Variants in EFTUD2 observed in about 807,000 individuals in gnomAD.
EFTUD2 encodes the protein elongation factor Tu GTP binding domain containing 2.
In EFTUD2, 9 loss-of-function variants were observed where a neutral mutation model predicts 114.3. That is an observed-to-expected ratio of 0.08 (90% confidence interval 0.05 to 0.14). The LOEUF (loss-of-function observed/expected upper bound fraction) is 0.14. Ranked by LOEUF, EFTUD2 falls within the 10% of genes least tolerant of loss-of-function variation. EFTUD2 has a pLI of 1.00. For synonymous variants in EFTUD2, 449 were observed against 462.3 expected (o/e 0.97, Z 0.37); for missense variants, 765 against 1,241.2 (o/e 0.62, Z 5.76).
chr17:44,897,343 CTTTT>C (rs1031100175), intron 1 of EFTUD2, among the ~76,000 whole-genome samples: 13 of 151,712 alleles, frequency 8.6e-5, no homozygotes, highest in African/African-American at 2.9e-4. Flanking sequence ...CTCTTCACTT[CTTTT>C]ATGATACTAA....
At chr17:44,885,469 T>C in intron 3 of EFTUD2, 135 bp from the exon 4 acceptor site, 1 of 685,740 alleles carries the variant, frequency 1.5e-6, no homozygotes, top group Non-Finnish European at 2.5e-6. Flanking sequence ...GGATCACTCA[T>C]ATGTTGAGAA....
chr17:44,853,747 A>G (rs775876754), intron 23 of EFTUD2, 112 bp from the exon 24 acceptor site: 34 of 1,540,126 alleles, frequency 2.2e-5, no homozygotes, highest in Non-Finnish European at 2.7e-5. Flanking sequence ...CATGAAAGAC[A>G]TGGTACAGAA....
intron 19 of EFTUD2, chr17:44,857,527 A>G (rs915512282): frequency 1.1e-5 from 3 of 261,242 alleles, no homozygotes; most frequent in African/African-American, 6.6e-5. Context: ...GCGTGCACCC[A>G]TGTCATTCTC....
chr17:44,883,378 T>G (rs1013747051), intron 5 of EFTUD2, among the ~76,000 whole-genome samples: 1 of 152,124 alleles, frequency 6.6e-6, no homozygotes, highest in Non-Finnish European at 1.5e-5. Context: ...AAATGAAAAC[T>G]TATAAAAATC....
Position 44,883,677 on chromosome 17 carries a change from G to A in EFTUD2, c.398C>T (p.Thr133Ile). The A allele has an allele frequency of 6.2e-7, 1 of 1,614,158 alleles. No homozygotes were observed. Among genetic ancestry groups the A allele is most frequent in the Non-Finnish European group, 8.5e-7 (1 of 1,180,022 alleles). ...MDNSELIRNV[T>I]LCGHLHHGKT... is the part of the protein sequence containing the mutation. ...GCCATGGTGGAGATGTCCACAAAGG[G>A]TCACATTTCTGATGAGCTCTGAGTT... The change falls in exon 5 of 28, where the codon ACC becomes ATC. Residue 133 changes from threonine (T) to isoleucine (I), a missense_variant. Thr to Ile is a moderately conservative substitution (Grantham distance 89, BLOSUM62 -1). This residue lies in a region of EFTUD2 where 19 missense variants were observed against 53.0 expected (regional missense o/e 0.36). Transcript: ENST00000426333.
intron 23 of EFTUD2, 57 bp from the exon 24 acceptor site, chr17:44,853,692 A>T (rs1226741889): frequency 1.3e-6 from 2 of 1,598,808 alleles, no homozygotes; most frequent in African/African-American, 2.7e-5. Flanking sequence ...TCATGGGGCC[A>T]TGGCAGAGTA....
intron 2 of EFTUD2, among the ~76,000 whole-genome samples, chr17:44,890,543 C>G (rs1392715928): frequency 6.6e-6 from 1 of 151,620 alleles, no homozygotes; most frequent in Non-Finnish European, 1.5e-5. Flanking sequence ...AAATACAAAA[C>G]TAGCCGGGCG....
At chr17:44,882,437 G>A (rs112357792) in intron 6 of EFTUD2, among the ~76,000 whole-genome samples, 19,086 of 151,856 alleles carry the variant, frequency 0.13, 1,370 homozygotes, top group Non-Finnish European at 0.17. Flanking sequence ...TGCATTTTTA[G>A]TAGAGATAGA....
At chr17:44,856,971 G>A in intron 20 of EFTUD2, 104 bp downstream of exon 20, 1 of 926,212 alleles carries the variant, frequency 1.1e-6, no homozygotes, top group Non-Finnish European at 1.7e-6. Context: ...GAGCTGTAGA[G>A]GTCTCTATGT....
intron 3 of EFTUD2, 69 bp downstream of exon 3, chr17:44,886,516 G>T: frequency 6.4e-7 from 1 of 1,573,404 alleles, no homozygotes; most frequent in East Asian, 2.3e-5. Flanking sequence ...AACTTTTAAG[G>T]TTTGCTGAGA....
Position 44,883,083 on chromosome 17 carries a change from T to A in EFTUD2, c.492+10A>T. On this transcript the variant is annotated intron_variant, in intron 6 of 27. Coordinates refer to ENST00000426333, the MANE Select transcript of EFTUD2 (RefSeq NM_004247.4). ...GTTCATCCTAAACCCTCAACAGAAGTTCTACTTACATCTTGGTCATAGCGC... is the reference window on the plus strand; with the variant it reads ...GTTCATCCTAAACCCTCAACAGAAGATCTACTTACATCTTGGTCATAGCGC... 1 of 1,614,000 alleles carries A rather than the reference T, an allele frequency of 6.2e-7. No individual in the cohort carries two copies. Among genetic ancestry groups the A allele is most frequent in the African/African-American group, 1.3e-5 (1 of 75,030 alleles).
intron 7 of EFTUD2, among the ~76,000 whole-genome samples, chr17:44,881,006 T>A (rs12602642): frequency 0.31 from 47,225 of 151,932 alleles, 7,414 homozygotes; most frequent in South Asian, 0.4. Flanking sequence ...AGTTTTTTTT[T>A]AAAAAAGAAA....
At position 44,852,574 on chromosome 17, in the gene EFTUD2, A is replaced by G; in HGVS notation, c.2562-12T>C. On this transcript the variant is annotated splice_polypyrimidine_tract_variant and intron_variant, in intron 25 of 27. Transcript: ENST00000426333. Reference sequence around the variant, plus strand: ...GAGTCACGTGCCCCCTGAGACAGAAAAACAAAGGCTGAGCCTCTAGTCAAA... The same window carrying G: ...GAGTCACGTGCCCCCTGAGACAGAAGAACAAAGGCTGAGCCTCTAGTCAAA... The G allele has an allele frequency of 1.2e-6, 2 of 1,613,366 alleles. No homozygotes were observed. The highest frequency in any genetic ancestry group is 1.7e-6 in the Non-Finnish European group (2 of 1,179,582).
intron 13 of EFTUD2, 111 bp from the exon 14 acceptor site, chr17:44,865,176 C>A (rs947827217): frequency 9.7e-6 from 14 of 1,441,298 alleles, no homozygotes; most frequent in Admixed American, 2.4e-5. Flanking sequence ...ACAAGGCTCT[C>A]TTCTATGGAG....
At chr17:44,859,883 CT>C (rs764071105) in intron 18 of EFTUD2, 21 bp downstream of exon 18, 1 of 1,613,702 alleles carries the variant, frequency 6.2e-7, no homozygotes, top group Non-Finnish European at 8.5e-7. Flanking sequence ...GGCTTGGCGG[CT>C]GCTGCAGGCC....
chr17:44,868,378 C>G, intron 11 of EFTUD2, 28 bp from the exon 12 acceptor site: 1 of 1,610,636 alleles, frequency 6.2e-7, no homozygotes, highest in South Asian at 1.1e-5. Flanking sequence ...CAATTATAAT[C>G]TACCTAGCAA....
At position 44,854,028 on chromosome 17, in the gene EFTUD2, C is replaced by A; in HGVS notation, c.2347+241G>T. On this transcript the variant is annotated intron_variant, in intron 23 of 27. Coordinates refer to ENST00000426333, the MANE Select transcript of EFTUD2 (RefSeq NM_004247.4). The surrounding 1 kb of genome is among the most constrained non-coding windows in gnomAD (Gnocchi z 4.3). ...ATCTCTTCTCAAATACGTCCAACGC[C>A]AAACCCTTCTCAGAAATGAGGAGCA... The A allele has an allele frequency of 7.3e-7, 1 of 1,376,064 alleles. No homozygotes were observed. The allele number at this position is 1,376,064 out of a possible 1,614,324, so 85.2% of individuals were successfully genotyped here. A position where few individuals can be genotyped will look rare whatever the true frequency, so the allele number is the denominator to read the frequency against.
intron 2 of EFTUD2, 52 bp from the exon 3 acceptor site, chr17:44,886,802 T>C (rs1407980227): frequency 1.9e-6 from 3 of 1,564,670 alleles, no homozygotes; most frequent in Non-Finnish European, 2.6e-6. Flanking sequence ...TTTTCCTGTT[T>C]GATATCTGAC....
chr17:44,879,378 AC>A, intron 9 of EFTUD2, 177 bp downstream of exon 9: 2 of 608,288 alleles, frequency 3.3e-6, no homozygotes, highest in East Asian at 6.4e-5. Context: ...GAGCAACCAC[AC>A]CCGGTAAGAA....
Sources: gnomAD v4.1 joint callset for allele counts (sites outside exome capture counted in the v4.1 genomes callset) on GRCh38, gnomAD v4.1.1 for gene constraint, gnomAD v4.1.1 regional missense constraint, Gnocchi (gnomAD v3.1) non-coding constraint, MANE v1.5 for transcripts, NCBI Gene and HGNC (gene_info 2026-07-23, HGNC 2026-07-21) for gene names.